CAMTA1: variants seen among roughly 807,000 people sequenced by gnomAD.
CAMTA1 encodes the protein calmodulin binding transcription activator 1.
Under a neutral mutation model 170.9 loss-of-function variants are expected in CAMTA1, and 27 were observed. That is an observed-to-expected ratio of 0.16 (90% CI 0.12 to 0.22). The LOEUF (loss-of-function observed/expected upper bound fraction) is 0.22. Among genes scored for constraint, CAMTA1 ranks in the 10% least tolerant of loss-of-function variants. The probability of loss-of-function intolerance (pLI) is 1.00; values close to 1 mark genes in which losing one functional copy is unlikely to be tolerated. For missense variants in CAMTA1, 1,619 were observed against 2,217.2 expected, an observed-to-expected ratio of 0.73 and a Z score of 5.42; for synonymous variants, 833 against 891.5, an observed-to-expected ratio of 0.93 and a Z score of 1.17.
chr1:7,128,083 G>A (rs1272027882), intron 4 of CAMTA1, among the ~76,000 whole-genome samples: 1 of 152,174 alleles, frequency 6.6e-6, no homozygotes, highest in African/African-American at 2.4e-5. Context: ...CCTGGGTGCC[G>A]AGTCTCTGAT....
intron 3 of CAMTA1, among the ~76,000 whole-genome samples, chr1:6,979,210 C>G (rs940448685): frequency 1.3e-5 from 2 of 152,272 alleles, no homozygotes; most frequent in East Asian, 3.9e-4. Context: ...AGCCCCATCC[C>G]TGCCCCCTTG....
At chr1:7,515,849 G>C (rs563441497) in intron 6 of CAMTA1, among the ~76,000 whole-genome samples, 6 of 152,222 alleles carry the variant, frequency 3.9e-5, no homozygotes, top group Admixed American at 2.0e-4. Context: ...GCAGCAGGTC[G>C]TGGGACATGG....
chr1:7,168,634 C>T (rs1207980156), intron 4 of CAMTA1, among the ~76,000 whole-genome samples: 1 of 152,154 alleles, frequency 6.6e-6, no homozygotes, highest in Non-Finnish European at 1.5e-5. Context: ...GAACTCCTGA[C>T]CTCAGGTGAT....
chr1:7,104,035 G>A (rs1174612555), intron 4 of CAMTA1, among the ~76,000 whole-genome samples: 1 of 39,714 alleles, frequency 2.5e-5, no homozygotes, highest in East Asian at 4.6e-4. Flanking sequence ...CACTACATAT[G>A]CATACAACAC....
In CAMTA1 at chr1:7,063,217, G is replaced by C. The variant is rs1424950821; in HGVS notation, c.235-28087G>C. Among the ~76,000 whole-genome samples the C allele has an allele frequency of 6.6e-6, 1 of 152,118 alleles. No homozygotes were observed. Among genetic ancestry groups the C allele is most frequent in the Non-Finnish European group, 1.5e-5 (1 of 68,030 alleles). On this transcript the variant is annotated intron_variant, in intron 3 of 22. Coordinates refer to ENST00000303635, the MANE Select transcript of CAMTA1 (RefSeq NM_015215.4). The surrounding 1 kb of genome is among the most constrained non-coding windows in gnomAD (Gnocchi z 4.3). Reference sequence around the variant, plus strand: ...CCGAAAAAATGTGGTTGTTGAATTTGCTCCCACTTTCTTCACCCCCTAACA... The same window carrying C: ...CCGAAAAAATGTGGTTGTTGAATTTCCTCCCACTTTCTTCACCCCCTAACA...
chr1:7,446,644 G>A (rs926143767), intron 5 of CAMTA1, among the ~76,000 whole-genome samples: 2 of 152,194 alleles, frequency 1.3e-5, no homozygotes, highest in South Asian at 4.1e-4. Context: ...CATGTTGGCC[G>A]GACCCCTCTG....
chr1:7,600,770 C>A (rs2095434198), intron 6 of CAMTA1, among the ~76,000 whole-genome samples: 1 of 151,960 alleles, frequency 6.6e-6, no homozygotes, highest in African/African-American at 2.4e-5. Flanking sequence ...GTGGACACAG[C>A]ACATGTTTCA....
At chr1:6,864,000 T>C (rs1665711968) in intron 3 of CAMTA1, among the ~76,000 whole-genome samples, 1 of 152,202 alleles carries the variant, frequency 6.6e-6, no homozygotes, top group Admixed American at 6.5e-5. Flanking sequence ...CTACTGTTTT[T>C]CTCGTGATTA....
rs534964677 is a variant in CAMTA1, at chr1:6,876,327, A to T, written c.234+51117A>T. Among the ~76,000 whole-genome samples the T allele has an allele frequency of 1.7e-3, 264 of 151,982 alleles. 2 individuals carry two copies. Among genetic ancestry groups the T allele is most frequent in the African/African-American group, 6.1e-3 (254 of 41,460 alleles). On this transcript the variant is annotated intron_variant, in intron 3 of 22. Transcript: ENST00000303635. ...CCTTCAGGTGCCTACCACAGAGTTG[A>T]CGTGCAAATGAATGTTTCTTTATTT...
In CAMTA1 at chr1:7,299,438, C is replaced by T. The variant is rs1674438547; in HGVS notation, c.438+49812C>T. Among the ~76,000 whole-genome samples, 1 of 152,180 alleles carries T rather than the reference C, an allele frequency of 6.6e-6. No individual in the cohort carries two copies. Among genetic ancestry groups the T allele is most frequent in the African/African-American group, 2.4e-5 (1 of 41,452 alleles). On this transcript the variant is annotated intron_variant, in intron 5 of 22. Transcript: ENST00000303635. The surrounding 1 kb of genome is among the most constrained non-coding windows in gnomAD (Gnocchi z 4.7). The stretch of plus-strand genomic sequence containing the variant: ...AGCAGGGGGTGGGAGGTACAGACCA[C>T]CCCAGTAATCCAGGCTTTCTCTGGA...
Position 6,793,177 on chromosome 1 carries a change from CA to C in CAMTA1, c.45+7603del, listed in dbSNP as rs1641625017. On this transcript the variant is annotated intron_variant, in intron 1 of 22. Coordinates refer to ENST00000303635, the MANE Select transcript of CAMTA1 (RefSeq NM_015215.4). Reference sequence around the variant, plus strand: ...CCCAGCTCTGATTGGTTCTGCTGTGCAGTTCAGTCGCTAGTTTTGGACAGGT... The same window carrying C: ...CCCAGCTCTGATTGGTTCTGCTGTGCGTTCAGTCGCTAGTTTTGGACAGGT... Among the ~76,000 whole-genome samples, 5 of 152,224 alleles carry C rather than the reference CA, an allele frequency of 3.3e-5. No individual in the cohort carries two copies. In the South Asian group the frequency reaches 1.0e-3, roughly 32 times the overall value.
intron 5 of CAMTA1, among the ~76,000 whole-genome samples, chr1:7,304,359 G>A (rs188260639): frequency 1.6e-4 from 25 of 152,242 alleles, no homozygotes; most frequent in African/African-American, 5.3e-4. Flanking sequence ...GTTGTTACAA[G>A]CAATATTTTA....
intron 1 of CAMTA1, among the ~76,000 whole-genome samples, chr1:6,808,238 T>C (rs565884061): frequency 4.6e-5 from 7 of 152,070 alleles, no homozygotes; most frequent in Admixed American, 3.3e-4. Context: ...TTTTTTTTTT[T>C]AGTAGAGGAA....
intron 16 of CAMTA1, among the ~76,000 whole-genome samples, chr1:7,740,311 A>G (rs2096802455): frequency 6.6e-6 from 1 of 152,228 alleles, no homozygotes; most frequent in Admixed American, 6.5e-5. Flanking sequence ...CAGCCTTAGC[A>G]TTAAACGGAG....
intron 11 of CAMTA1, among the ~76,000 whole-genome samples, chr1:7,713,536 GA>G (rs2096587074): frequency 6.6e-6 from 1 of 152,064 alleles, no homozygotes; most frequent in African/African-American, 2.4e-5. Context: ...TTAGGGTTCA[GA>G]AAAGTCTTCC....
At chr1:7,013,209 C>CTTTTTTTTTTTTTTTTTTTTT (rs969077771) in intron 3 of CAMTA1, among the ~76,000 whole-genome samples, 2 of 84,206 alleles carry the variant, frequency 2.4e-5, no homozygotes, top group African/African-American at 1.1e-4. Context: ...TGCCCTTCTT[C>CTTTTTTTTTTTTTTTTTTTTT]TTTTTTTTTT....
chr1:7,413,939 C>G (rs35556906), intron 5 of CAMTA1, among the ~76,000 whole-genome samples: 1 of 152,120 alleles, frequency 6.6e-6, no homozygotes, highest in Non-Finnish European at 1.5e-5. Flanking sequence ...CCATCAATAC[C>G]TAATTTATTG....
intron 22 of CAMTA1, among the ~76,000 whole-genome samples, chr1:7,764,643 T>C (rs1385695555): frequency 6.6e-6 from 1 of 152,198 alleles, no homozygotes; most frequent in African/African-American, 2.4e-5. Flanking sequence ...CACACTATTT[T>C]CTTTCTGCCT....
chr1:7,538,985 C>T (rs538951595), intron 6 of CAMTA1, among the ~76,000 whole-genome samples: 63 of 54,638 alleles, frequency 1.2e-3, no homozygotes, highest in African/African-American at 9.0e-3. Context: ...AGCCTGCTTT[C>T]CTTCCCTTTC....
Sources: allele counts gnomAD v4.1 joint callset (sites outside exome capture counted in the v4.1 genomes callset), GRCh38; gene constraint gnomAD v4.1.1; non-coding constraint Gnocchi (gnomAD v3.1); transcripts MANE v1.5; gene names NCBI Gene and HGNC (gene_info 2026-07-23, HGNC 2026-07-21).